The following FAT3 variants were observed in gnomAD, a reference collection of about 807,000 sequenced individuals.
FAT3 encodes protocadherin Fat 3.
Under a neutral mutation model 310.2 loss-of-function variants are expected in FAT3, and 95 were observed. The observed-to-expected ratio is 0.31, with a 90% confidence interval of 0.26 to 0.36. The LOEUF (loss-of-function observed/expected upper bound fraction) is 0.36. FAT3 is among the 10% of genes least tolerant of loss of function. The pLI is 1.00. For missense variants in FAT3, 5,408 were observed against 5,715.6 expected (o/e 0.95, Z 1.74); for synonymous variants, 2,314 against 2,192.9 (o/e 1.06, Z -1.54).
intron 3 of FAT3, among the ~76,000 whole-genome samples, chr11:92,562,480 A>G (rs951274767): frequency 3.3e-5 from 5 of 152,198 alleles, no homozygotes; most frequent in African/African-American, 1.2e-4. Flanking sequence ...TGGATATACT[A>G]TCTCACAATG....
At chr11:92,521,172 C>G (rs905218791) in intron 2 of FAT3, among the ~76,000 whole-genome samples, 1 of 151,916 alleles carries the variant, frequency 6.6e-6, no homozygotes, top group Admixed American at 6.6e-5. Flanking sequence ...CACACACATA[C>G]GTGGAAATGT....
intron 2 of FAT3, among the ~76,000 whole-genome samples, chr11:92,372,949 C>T (rs1310365909): frequency 6.6e-6 from 1 of 152,042 alleles, no homozygotes; most frequent in Non-Finnish European, 1.5e-5. Context: ...CATGAGCCAC[C>T]GTGCCCGGCC....
chr11:92,428,160 C>T (rs982052349), intron 2 of FAT3, among the ~76,000 whole-genome samples: 3 of 151,320 alleles, frequency 2.0e-5, no homozygotes, highest in Admixed American at 6.6e-5. Flanking sequence ...GTTTATTTGC[C>T]TAGAAGTGTT....
At chr11:92,524,974 T>C (rs778607776) in intron 3 of FAT3, 26 bp downstream of exon 3, 2 of 1,582,892 alleles carry the variant, frequency 1.3e-6, no homozygotes, top group African/African-American at 1.4e-5. Flanking sequence ...TATGACTTCT[T>C]TTTAGTTTGT....
intron 1 of FAT3, among the ~76,000 whole-genome samples, chr11:92,227,645 A>T (rs897398417): frequency 2.0e-5 from 3 of 152,006 alleles, no homozygotes; most frequent in African/African-American, 7.2e-5. Context: ...AAAGGAAGGG[A>T]GGAGGGGATG....
intron 2 of FAT3, among the ~76,000 whole-genome samples, chr11:92,502,300 G>A (rs1290520455): frequency 6.6e-6 from 1 of 152,054 alleles, no homozygotes; most frequent in Non-Finnish European, 1.5e-5. Context: ...TTCCTATGAA[G>A]TCTAATGCAG....
At chr11:92,699,787 A>G (rs1944042089) in intron 4 of FAT3, among the ~76,000 whole-genome samples, 1 of 152,226 alleles carries the variant, frequency 6.6e-6, no homozygotes, top group Non-Finnish European at 1.5e-5. Context: ...ACTATAAAAT[A>G]CATGTAAAAC....
intron 3 of FAT3, among the ~76,000 whole-genome samples, chr11:92,658,860 T>G (rs1204927913): frequency 1.3e-5 from 2 of 152,114 alleles, no homozygotes; most frequent in African/African-American, 4.8e-5. Context: ...GTCAGTGCCT[T>G]ATGGATAAAG....
intron 3 of FAT3, among the ~76,000 whole-genome samples, chr11:92,650,909 A>T (rs953825722): frequency 6.6e-6 from 1 of 152,226 alleles, no homozygotes; most frequent in African/African-American, 2.4e-5. Flanking sequence ...AATAACAATC[A>T]TTCAGTAATG....
intron 9 of FAT3, among the ~76,000 whole-genome samples, chr11:92,795,152 G>T (rs989856906): frequency 1.3e-5 from 2 of 152,042 alleles, no homozygotes; most frequent in Non-Finnish European, 2.9e-5. Flanking sequence ...TTTGAGTTTT[G>T]TGTTTGGTGT....
chr11:92,235,450 C>T (rs571035773), intron 1 of FAT3, among the ~76,000 whole-genome samples: 9 of 152,264 alleles, frequency 5.9e-5, no homozygotes, highest in Admixed American at 3.9e-4. Context: ...ATTACCTGCG[C>T]GGGTGTCTCT....
chr11:92,827,499 TGTGTA>T lies in FAT3; in HGVS notation c.9482-4120_9482-4116del, dbSNP rs1361836576. On this transcript the variant is annotated intron_variant, in intron 13 of 27. Transcript: ENST00000525166. ...ACGAAGTGACTTGCCCAAGGACACT[TGTGTA>T]GTTTGGGCAGGCTGTGGCCTAGAGG... is the stretch of plus-strand genomic sequence containing the variant. Among the ~76,000 whole-genome samples the T allele has an allele frequency of 2.0e-5, 3 of 152,120 alleles. No homozygotes were observed. In the East Asian group the frequency reaches 5.8e-4, roughly 29 times the overall value.
chr11:92,444,472 T>C (rs1951162266), intron 2 of FAT3, among the ~76,000 whole-genome samples: 1 of 152,162 alleles, frequency 6.6e-6, no homozygotes, highest in African/African-American at 2.4e-5. Flanking sequence ...TAAAACGTCT[T>C]GGACCAGTGT....
intron 1 of FAT3, among the ~76,000 whole-genome samples, chr11:92,344,196 A>G (rs555833404): frequency 6.7e-4 from 102 of 152,312 alleles, no homozygotes; most frequent in African/African-American, 2.3e-3. Context: ...TGTCTCACTT[A>G]TCCACTGCCA....
chr11:92,698,544 G>A (rs796966794), intron 4 of FAT3, among the ~76,000 whole-genome samples: 4 of 152,068 alleles, frequency 2.6e-5, no homozygotes, highest in South Asian at 2.1e-4. Flanking sequence ...CTTCTGTTTT[G>A]TATCAACGTA....
chr11:92,360,036 A>T (rs1046978498), intron 2 of FAT3, among the ~76,000 whole-genome samples: 1 of 151,854 alleles, frequency 6.6e-6, no homozygotes, highest in African/African-American at 2.4e-5. Context: ...CTAGTTCTAG[A>T]TCCCTGAGGA....
intron 2 of FAT3, among the ~76,000 whole-genome samples, chr11:92,470,409 T>A (rs375329756): frequency 9.2e-5 from 14 of 152,340 alleles, no homozygotes; most frequent in African/African-American, 3.4e-4. Flanking sequence ...CAGCTATATT[T>A]TCTATTTAGA....
At chr11:92,394,850 T>C (rs1949831630) in intron 2 of FAT3, among the ~76,000 whole-genome samples, 1 of 152,206 alleles carries the variant, frequency 6.6e-6, no homozygotes, top group African/African-American at 2.4e-5. Flanking sequence ...TATTGGAGTC[T>C]TTAAAACTGG....
At chr11:92,539,928 G>C (rs1210634584) in intron 3 of FAT3, among the ~76,000 whole-genome samples, 1 of 152,176 alleles carries the variant, frequency 6.6e-6, no homozygotes, top group African/African-American at 2.4e-5. Flanking sequence ...CCTGTGCTTA[G>C]AAGGGCCACA....
Sources: allele counts gnomAD v4.1 joint callset (sites outside exome capture counted in the v4.1 genomes callset), GRCh38; gene constraint gnomAD v4.1.1; transcripts MANE v1.5; gene names NCBI Gene and HGNC (gene_info 2026-07-23, HGNC 2026-07-21).